Variants in RGS17 observed in about 807,000 individuals in gnomAD.
The protein encoded by RGS17 is regulator of G-protein signaling 17.
In RGS17, 12 loss-of-function variants were observed where a neutral mutation model predicts 25.5. That is an observed-to-expected ratio of 0.47 (90% CI 0.30 to 0.76). RGS17 has a LOEUF of 0.76. Ranked by LOEUF, RGS17 falls within the 30% of genes least tolerant of loss-of-function variation. The pLI is 0.07. For synonymous variants in RGS17, 71 were observed against 76.9 expected (o/e 0.92, Z 0.40); for missense variants, 196 against 242.2 (o/e 0.81, Z 1.27).
At chr6:153,023,389 A>T (rs1483965002) in intron 4 of RGS17, 1 of 510,634 alleles carries the variant, frequency 2.0e-6, no homozygotes, top group Non-Finnish European at 3.9e-6. Context: ...CATTCTAGGA[A>T]CCTCTATGTT....
chr6:153,066,111 C>T (rs951808800), intron 1 of RGS17, among the ~76,000 whole-genome samples: 3 of 151,966 alleles, frequency 2.0e-5, no homozygotes, highest in Non-Finnish European at 4.4e-5. Context: ...CAGCTGATGC[C>T]GCAAACATTC....
At position 153,006,451 on chromosome 6, in the gene RGS17, T is replaced by C. The variant is rs1490644328; in HGVS notation, c.*5123A>G. 2 of 152,596 alleles carry C rather than the reference T, an allele frequency of 1.3e-5. No homozygotes were observed. Among genetic ancestry groups the C allele is most frequent in the Non-Finnish European group, 2.9e-5 (2 of 68,022 alleles). The allele number at this position is 152,596 out of a possible 1,614,324, so 9.5% of individuals were successfully genotyped here. Reference sequence around the variant, plus strand: ...CATCTATCTATCAATCATCTATCTATCTATGTCATTGAAAGAAACATTTCT... The same window carrying C: ...CATCTATCTATCAATCATCTATCTACCTATGTCATTGAAAGAAACATTTCT... On this transcript the variant is annotated 3_prime_UTR_variant, in exon 5 of 5. Coordinates refer to ENST00000206262, the MANE Select transcript of RGS17 (RefSeq NM_012419.5).
At chr6:153,122,678 G>C (rs1278813357) in intron 1 of RGS17, among the ~76,000 whole-genome samples, 1 of 151,912 alleles carries the variant, frequency 6.6e-6, no homozygotes, top group Non-Finnish European at 1.5e-5. Context: ...TTGAGCTCTT[G>C]ATATGTTTTA....
chr6:153,023,313 G>A, intron 4 of RGS17: 1 of 488,400 alleles, frequency 2.0e-6, no homozygotes, highest in South Asian at 1.5e-5. Flanking sequence ...AAATGCAAAG[G>A]TAAAAATCAC....
At chr6:153,020,888 G>A (rs1259511637) in intron 4 of RGS17, among the ~76,000 whole-genome samples, 1 of 152,202 alleles carries the variant, frequency 6.6e-6, no homozygotes, top group African/African-American at 2.4e-5. Context: ...CTGTGTTTAA[G>A]TAGATTCTGA....
intron 1 of RGS17, among the ~76,000 whole-genome samples, chr6:153,077,151 G>T (rs1172640703): frequency 6.6e-6 from 1 of 152,078 alleles, no homozygotes; most frequent in African/African-American, 2.4e-5. Context: ...CAAATTTCTA[G>T]ACCTAATTTT....
chr6:153,033,514 T>C (rs904610093), intron 2 of RGS17, among the ~76,000 whole-genome samples: 1 of 152,102 alleles, frequency 6.6e-6, no homozygotes, highest in Non-Finnish European at 1.5e-5. Flanking sequence ...GCTCAGGAGT[T>C]CGAGACCACC....
chr6:153,076,470 G>A (rs1402851281), intron 1 of RGS17, among the ~76,000 whole-genome samples: 3 of 152,088 alleles, frequency 2.0e-5, no homozygotes, highest in South Asian at 2.1e-4. Flanking sequence ...GCAATGATAC[G>A]GCAGTAGCGA....
chr6:153,061,671 A>G (rs762299985), intron 1 of RGS17, among the ~76,000 whole-genome samples: 6 of 151,414 alleles, frequency 4.0e-5, no homozygotes, highest in Non-Finnish European at 8.8e-5. Flanking sequence ...AAATATCTTA[A>G]ATGGGAATGA....
intron 1 of RGS17, among the ~76,000 whole-genome samples, chr6:153,083,092 C>G (rs1489790378): frequency 3.3e-5 from 5 of 152,080 alleles, no homozygotes; most frequent in Admixed American, 3.3e-4. Context: ...ACATTCATGG[C>G]CTAGTACTCC....
chr6:153,080,045 G>A (rs558986965), intron 1 of RGS17, among the ~76,000 whole-genome samples: 6 of 152,146 alleles, frequency 3.9e-5, no homozygotes, highest in African/African-American at 7.2e-5. Flanking sequence ...GCAGTGGTGC[G>A]ATCTCAGCTC....
chr6:153,087,734 AAGAG>A (rs1777070700), intron 1 of RGS17, among the ~76,000 whole-genome samples: 1 of 152,154 alleles, frequency 6.6e-6, no homozygotes. Flanking sequence ...GTCTGCAGTG[AAGAG>A]AGAGGATACT....
At chr6:153,078,547 GA>G (rs1452984035) in intron 1 of RGS17, among the ~76,000 whole-genome samples, 5 of 151,722 alleles carry the variant, frequency 3.3e-5, no homozygotes, top group Non-Finnish European at 7.4e-5. Flanking sequence ...TGACACATAA[GA>G]AACAATATAA....
At chr6:153,118,830 A>G (rs890905582) in intron 1 of RGS17, among the ~76,000 whole-genome samples, 23 of 152,176 alleles carry the variant, frequency 1.5e-4, no homozygotes, top group Non-Finnish European at 3.1e-4. Flanking sequence ...GCCACATGAC[A>G]TAACTCACTG....
At chr6:153,043,589 C>G (rs943085130) in intron 2 of RGS17, among the ~76,000 whole-genome samples, 4 of 151,334 alleles carry the variant, frequency 2.6e-5, no homozygotes, top group African/African-American at 9.7e-5. Context: ...TTGATAAATA[C>G]AAATGTAACT....
intron 2 of RGS17, among the ~76,000 whole-genome samples, chr6:153,040,335 G>T (rs1241610429): frequency 6.6e-6 from 1 of 152,102 alleles, no homozygotes; most frequent in Admixed American, 6.6e-5. Context: ...CAAAAAATGT[G>T]GTGGTAATGT....
rs1777774113 is a variant in RGS17, at chr6:153,130,619, G to A, written c.-26+505C>T. Among the ~76,000 whole-genome samples, 1 of 152,186 alleles carries A rather than the reference G, an allele frequency of 6.6e-6. No homozygotes were observed. The highest frequency in any genetic ancestry group is 2.1e-4 in the South Asian group (1 of 4,830). On this transcript the variant is annotated intron_variant, in intron 1 of 4. Transcript: ENST00000206262. This position sits in a 1 kb window ranked among gnomAD's most constrained non-coding sequence, Gnocchi z 6.4. The stretch of plus-strand genomic sequence containing the variant: ...CCCAAAGGTAAAGAGAGATAAGGGA[G>A]GAAACACAGCACCCAAGGTGATCAG...
rs1319160529 is a variant in RGS17 at position 153,130,454 on chromosome 6, A to AC, written c.-26+669dup. On this transcript the variant is annotated intron_variant, in intron 1 of 4. Transcript: ENST00000206262. The surrounding 1 kb of genome is among the most constrained non-coding windows in gnomAD (Gnocchi z 6.4). ...AAGGGGAGGGGAAGGAACAAAAGAG[A>AC]CCCCCCACCCCCTATACATACATAC... Among the ~76,000 whole-genome samples, 158 of 146,372 alleles carry AC rather than the reference A, an allele frequency of 1.1e-3. No individual in the cohort carries two copies. The highest frequency in any genetic ancestry group is 3.2e-3 in the African/African-American group (124 of 38,866).
chr6:153,082,366 G>C (rs1039966386), intron 1 of RGS17, among the ~76,000 whole-genome samples: 4 of 152,114 alleles, frequency 2.6e-5, no homozygotes, highest in African/African-American at 9.7e-5. Context: ...GCTTGACACG[G>C]AGGCTGTGTC....
Sources: allele counts gnomAD v4.1 joint callset (sites outside exome capture counted in the v4.1 genomes callset), GRCh38; gene constraint gnomAD v4.1.1; non-coding constraint Gnocchi (gnomAD v3.1); transcripts MANE v1.5; gene names NCBI Gene and HGNC (gene_info 2026-07-23, HGNC 2026-07-21).